Variants in GRM7 observed in about 807,000 individuals in gnomAD.
The protein encoded by GRM7 is metabotropic glutamate receptor 7.
In GRM7, 35 loss-of-function variants were observed where a neutral mutation model predicts 84.5. The ratio of observed to expected loss-of-function variants is 0.41; its 90% CI spans 0.32 to 0.55. The LOEUF (loss-of-function observed/expected upper bound fraction) is 0.55, where lower values mean the gene tolerates loss of function less well. Among genes scored for constraint, GRM7 ranks in the 20% least tolerant of loss-of-function variants. GRM7 has a pLI of 0.19. For missense variants in GRM7, 1,003 were observed against 1,194.6 expected (o/e 0.84, Z 2.36); for synonymous variants, 487 against 455.1 (o/e 1.07, Z -0.89).
chr3:7,179,509 T>C (rs545038631), intron 2 of GRM7, among the ~76,000 whole-genome samples: 5 of 152,354 alleles, frequency 3.3e-5, no homozygotes, highest in East Asian at 1.9e-4. Context: ...CTACTCTATA[T>C]TTTAGATTCA....
intron 2 of GRM7, among the ~76,000 whole-genome samples, chr3:7,175,091 C>T (rs1695102753): frequency 1.3e-5 from 2 of 152,166 alleles, no homozygotes; most frequent in Admixed American, 1.3e-4. Flanking sequence ...GGAGAAAAAC[C>T]AAGAAAAGTA....
intron 2 of GRM7, among the ~76,000 whole-genome samples, chr3:7,244,443 A>T (rs1189187546): frequency 6.6e-6 from 1 of 152,076 alleles, no homozygotes; most frequent in African/African-American, 2.4e-5. Context: ...TAAAATATTC[A>T]ATAGAAAAAA....
rs1701773393 is a variant in GRM7, at chr3:7,716,489, C to G, written c.2699-23868C>G. Among the ~76,000 whole-genome samples, 3 of 152,146 alleles carry G rather than the reference C, an allele frequency of 2.0e-5. No individual in the cohort carries two copies. In the South Asian group the frequency reaches 6.2e-4, roughly 32 times the overall value. ...TTTAGTACTTGTCAACATTTCAAAG[C>G]CAGGGGCATATATTAACAAATGGGA... On this transcript the variant is annotated intron_variant, in intron 9 of 9. Transcript: ENST00000357716.
At chr3:7,100,795 C>G (rs1331146819) in intron 1 of GRM7, among the ~76,000 whole-genome samples, 2 of 151,790 alleles carry the variant, frequency 1.3e-5, no homozygotes, top group African/African-American at 2.4e-5. Context: ...TCTGATCACC[C>G]CTTTCTCCTA....
intron 6 of GRM7, among the ~76,000 whole-genome samples, chr3:7,456,222 G>T (rs1381321276): frequency 6.6e-6 from 1 of 151,922 alleles, no homozygotes; most frequent in Non-Finnish European, 1.5e-5. Context: ...AATAAAATTT[G>T]TTAGGTGAGT....
intron 2 of GRM7, among the ~76,000 whole-genome samples, chr3:7,196,947 C>T (rs1336581899): frequency 2.6e-5 from 4 of 152,112 alleles, no homozygotes; most frequent in South Asian, 2.1e-4. Context: ...TCATTGAAAA[C>T]ATTCTTTTTA....
intron 1 of GRM7, among the ~76,000 whole-genome samples, chr3:7,060,024 A>G (rs989273912): frequency 4.3e-4 from 65 of 151,844 alleles, no homozygotes; most frequent in African/African-American, 1.5e-3. Flanking sequence ...TCCAAAGGCT[A>G]TTCCCTCTGT....
At position 7,486,862 on chromosome 3, in the gene GRM7, T is replaced by A. The variant is rs1319581778; in HGVS notation, c.1515+25140T>A. 6.6e-6 allele frequency among the ~76,000 whole-genome samples: 1 copy of A among 152,072 alleles called. No individual in the cohort carries two copies. The highest frequency in any genetic ancestry group is 1.5e-5 in the Non-Finnish European group (1 of 68,012). ...TCTGGAACTGGGTACCTGGCAGAGATTTAAAGAGTTTGAAGGAGCAGACTA... is the reference window on the plus strand; with the variant it reads ...TCTGGAACTGGGTACCTGGCAGAGAATTAAAGAGTTTGAAGGAGCAGACTA... On this transcript the variant is annotated intron_variant, in intron 7 of 9. Transcript: ENST00000357716. The surrounding 1 kb of genome is among the most constrained non-coding windows in gnomAD (Gnocchi z 5.5).
intron 7 of GRM7, among the ~76,000 whole-genome samples, chr3:7,472,903 A>G (rs1698760282): frequency 6.6e-6 from 1 of 152,052 alleles, no homozygotes; most frequent in Non-Finnish European, 1.5e-5. Flanking sequence ...TTTTTGTTGC[A>G]TTAGATCTCT....
At chr3:7,540,949 A>T (rs1559390072) in intron 7 of GRM7, among the ~76,000 whole-genome samples, 2 of 152,188 alleles carry the variant, frequency 1.3e-5, no homozygotes. Flanking sequence ...AAGAAAAAGC[A>T]AGTTGAAGAA....
intron 1 of GRM7, among the ~76,000 whole-genome samples, chr3:7,046,684 G>A (rs981757400): frequency 6.6e-6 from 1 of 152,064 alleles, no homozygotes; most frequent in Non-Finnish European, 1.5e-5. Context: ...TTAAGTGAGT[G>A]AGTGAGACTA....
At chr3:7,476,237 G>A (rs1698916173) in intron 7 of GRM7, among the ~76,000 whole-genome samples, 1 of 152,152 alleles carries the variant, frequency 6.6e-6, no homozygotes, top group African/African-American at 2.4e-5. Flanking sequence ...GGATTATTGT[G>A]AGAGTTAACA....
intron 1 of GRM7, among the ~76,000 whole-genome samples, chr3:6,880,338 C>T (rs1465107059): frequency 6.6e-6 from 1 of 152,098 alleles, no homozygotes; most frequent in Non-Finnish European, 1.5e-5. Context: ...CCCTAGAGAG[C>T]CTCTTTCTTC....
At chr3:7,395,332 G>A (rs1356183660) in intron 4 of GRM7, among the ~76,000 whole-genome samples, 1 of 152,108 alleles carries the variant, frequency 6.6e-6, no homozygotes, top group Non-Finnish European at 1.5e-5. Context: ...ATGTATTCAA[G>A]TTGGATAGGC....
At chr3:6,998,590 C>T (rs4686108) in intron 1 of GRM7, among the ~76,000 whole-genome samples, 28,757 of 152,250 alleles carry the variant, frequency 0.19, 2,781 homozygotes, top group East Asian at 0.28. Context: ...ATAAGTTCTC[C>T]CTGAGGGCTC....
intron 1 of GRM7, among the ~76,000 whole-genome samples, chr3:7,069,583 T>C (rs914321235): frequency 3.3e-5 from 5 of 152,096 alleles, no homozygotes; most frequent in African/African-American, 9.7e-5. Flanking sequence ...AGTAAAGAGA[T>C]AGTTTTTCTT....
At chr3:7,085,808 C>T (rs1698437035) in intron 1 of GRM7, among the ~76,000 whole-genome samples, 2 of 152,030 alleles carry the variant, frequency 1.3e-5, no homozygotes, top group Admixed American at 1.3e-4. Context: ...TACCCCCATC[C>T]TCTTGGAATA....
At chr3:6,971,503 G>T (rs147374078) in intron 1 of GRM7, among the ~76,000 whole-genome samples, 1 of 151,996 alleles carries the variant, frequency 6.6e-6, no homozygotes, top group South Asian at 2.1e-4. Context: ...ATCAAGAAAC[G>T]GATATTTCTA....
intron 1 of GRM7, among the ~76,000 whole-genome samples, chr3:7,003,377 G>C (rs1020528655): frequency 2.6e-5 from 4 of 151,612 alleles, no homozygotes; most frequent in African/African-American, 9.7e-5. Context: ...ATTAATGTTT[G>C]TCATTTTAAG....
Sources: allele counts gnomAD v4.1 joint callset (sites outside exome capture counted in the v4.1 genomes callset), GRCh38; gene constraint gnomAD v4.1.1; non-coding constraint Gnocchi (gnomAD v3.1); transcripts MANE v1.5; gene names NCBI Gene and HGNC (gene_info 2026-07-23, HGNC 2026-07-21).